ORC6: variants seen among roughly 807,000 people sequenced by gnomAD.
ORC6 encodes origin recognition complex, subunit 6 homolog-like (yeast).
A neutral mutation model predicts 30.0 loss-of-function variants in ORC6; 31 were observed. That is an observed-to-expected ratio of 1.03 (90% CI 0.78 to 1.40). ORC6 has a LOEUF of 1.40. Ranked by LOEUF, ORC6 falls within the 40% of genes most tolerant of loss-of-function variation. The pLI is 0.00. For missense variants in ORC6, 340 were observed against 304.3 expected, an observed-to-expected ratio of 1.12 and a Z score of -0.87; for synonymous variants, 136 against 111.2, an observed-to-expected ratio of 1.22 and a Z score of -1.40.
rs1405343834 is a variant in ORC6 at position 46,698,261 on chromosome 16, T to C, written c.*676T>C. On this transcript the variant is annotated 3_prime_UTR_variant, in exon 7 of 7. Coordinates refer to ENST00000219097, the MANE Select transcript of ORC6 (RefSeq NM_014321.4). ...GCTTTAAGTGAATGGCAGTCCCTTG[T>C]CTTATTCAGAATATAAAATTCAGTC... The C allele has an allele frequency of 4.4e-6, 2 of 455,280 alleles. No individual in the cohort carries two copies. Among genetic ancestry groups the C allele is most frequent in the Non-Finnish European group, 8.8e-6 (2 of 226,574 alleles). 28.2% of individuals were successfully genotyped at this position (455,280 alleles called of 1,614,324 possible). A position where few individuals can be genotyped will look rare whatever the true frequency, so the allele number is the denominator to read the frequency against.
chr16:46,695,557 T>G lies in ORC6; in HGVS notation c.450-5T>G, dbSNP rs545663451. ...AGAAAAGCAACTTATGAAATTGTTTTGTAGGATTCTAAAGCTGAAAGTGGA... is the reference window on the plus strand; with the variant it reads ...AGAAAAGCAACTTATGAAATTGTTTGGTAGGATTCTAAAGCTGAAAGTGGA... On this transcript the variant is annotated splice_polypyrimidine_tract_variant and splice_region_variant and intron_variant, in intron 4 of 6. Transcript: ENST00000219097. 1 of 1,583,708 alleles carries G rather than the reference T, an allele frequency of 6.3e-7. No individual in the cohort carries two copies. Among genetic ancestry groups the G allele is most frequent in the African/African-American group, 1.3e-5 (1 of 74,442 alleles).
rs748431795 is a variant in ORC6, at chr16:46,695,632, C to A, written c.520C>A (p.Arg174=). The part of the protein sequence containing the change: ...TSGVKKAIFD[R]LCKQLEKIGQ... The stretch of plus-strand genomic sequence containing the variant: ...CGGTGTAAAAAAAGCTATATTTGAT[C>A]GACTGTGTAAACAACTAGAGAAGAT... The change falls in exon 5 of 7, where the codon CGA becomes AGA. Residue 174 remains arginine, a synonymous_variant. Transcript: ENST00000219097. 4 of 1,613,246 alleles carry A rather than the reference C, an allele frequency of 2.5e-6. No individual in the cohort carries two copies. Among genetic ancestry groups the A allele is most frequent in the Non-Finnish European group, 3.4e-6 (4 of 1,179,400 alleles).
intron 1 of ORC6, 31 bp downstream of exon 1, chr16:46,689,801 G>T: frequency 6.4e-7 from 1 of 1,563,994 alleles, no homozygotes; most frequent in Non-Finnish European, 8.6e-7. Flanking sequence ...CCAGGGCTGG[G>T]CTTCCGCCTC....
chr16:46,689,890 C>A, intron 1 of ORC6, 120 bp downstream of exon 1: 1 of 1,362,848 alleles, frequency 7.3e-7, no homozygotes, highest in Non-Finnish European at 9.5e-7. Flanking sequence ...GCGCTGGGGC[C>A]GGGCGGGGTT....
Position 46,695,586 on chromosome 16 carries a change from A to G in ORC6, c.474A>G (p.Lys158=). The change falls in exon 5 of 7, where the codon AAA becomes AAG. Residue 158 remains lysine, a synonymous_variant. Coordinates refer to ENST00000219097, the MANE Select transcript of ORC6 (RefSeq NM_014321.4). The part of the protein sequence containing the change: ...ACKILKLKVD[K]NKMVATSGVK... ...GGATTCTAAAGCTGAAAGTGGATAA[A>G]AACAAAATGGTAGCCACATCCGGTG... The G allele has an allele frequency of 6.2e-7, 1 of 1,613,492 alleles. No homozygotes were observed. Among genetic ancestry groups the G allele is most frequent in the Non-Finnish European group, 8.5e-7 (1 of 1,179,424 alleles).
Position 46,691,134 on chromosome 16 carries a change from ACCG to A in ORC6, c.195+15_195+17del. The A allele has an allele frequency of 6.2e-7, 1 of 1,613,860 alleles. No individual in the cohort carries two copies. Among genetic ancestry groups the A allele is most frequent in the Non-Finnish European group, 8.5e-7 (1 of 1,179,718 alleles). Reference sequence around the variant, plus strand: ...CCCTTGGACAGGGTAAGTAGGTCCCACCGAATGTCTGAATAATCCAGTGCAACA... The same window carrying A: ...CCCTTGGACAGGGTAAGTAGGTCCCAAATGTCTGAATAATCCAGTGCAACA... On this transcript the variant is annotated intron_variant, in intron 2 of 6. Coordinates refer to ENST00000219097, the MANE Select transcript of ORC6 (RefSeq NM_014321.4).
chr16:46,698,169 A>ATAGATAGATGGC lies in ORC6; in HGVS notation c.*593_*594insGGCTAGATAGAT, dbSNP rs1361852362. ...GTGACAGAGCGAGACTTATAGATAG[A>ATAGATAGATGGC]TAGATAGATAGATGGATAGATAGAT... is the stretch of plus-strand genomic sequence containing the variant. On this transcript the variant is annotated 3_prime_UTR_variant, in exon 7 of 7. Transcript: ENST00000219097. The ATAGATAGATGGC allele has an allele frequency of 4.5e-6, 2 of 444,542 alleles. No homozygotes were observed. Among genetic ancestry groups the ATAGATAGATGGC allele is most frequent in the African/African-American group, 4.2e-5 (2 of 48,118 alleles). The allele number at this position is 444,542 out of a possible 1,614,324, so 27.5% of individuals were successfully genotyped here.
rs1159636417 is a variant in ORC6 at position 46,695,576 on chromosome 16, A to G, written c.464A>G (p.Lys155Arg). 1.9e-6 allele frequency: 3 copies of G among 1,611,676 alleles called. No homozygotes were observed. The highest frequency in any genetic ancestry group is 2.5e-6 in the Non-Finnish European group (3 of 1,177,764). ...TTGTTTTGTAGGATTCTAAAGCTGAAAGTGGATAAAAACAAAATGGTAGCC... is the reference window on the plus strand; with the variant it reads ...TTGTTTTGTAGGATTCTAAAGCTGAGAGTGGATAAAAACAAAATGGTAGCC... ...LLSACKILKL[K>R]VDKNKMVATS... Residue 155 changes from lysine (K) to arginine (R), a missense_variant, in exon 5 of 7, where the codon AAA becomes AGA. Transcript: ENST00000219097.
At chr16:46,691,168 G>T (rs1282030765) in intron 2 of ORC6, 48 bp downstream of exon 2, 1 of 1,601,724 alleles carries the variant, frequency 6.2e-7, no homozygotes, top group Non-Finnish European at 8.6e-7. Context: ...CAACATTGAA[G>T]CTCTTTTAAC....
chr16:46,692,977 T>A, intron 3 of ORC6, 116 bp from the exon 4 acceptor site: 1 of 756,376 alleles, frequency 1.3e-6, no homozygotes, highest in Non-Finnish European at 2.4e-6. Flanking sequence ...AAATGACTCG[T>A]GTTAAGTGAC....
chr16:46,691,958 A>ACACACACACACACACACACACACT, intron 2 of ORC6, among the ~76,000 whole-genome samples: 5 of 36,664 alleles, frequency 1.4e-4, no homozygotes, highest in African/African-American at 4.8e-4. Context: ...ACACACACAC[A>ACACACACACACACACACACACACT]CTCTCTCTCT....
At chr16:46,690,936 C>G in intron 1 of ORC6, 55 bp from the exon 2 acceptor site, 2 of 1,598,042 alleles carry the variant, frequency 1.3e-6, no homozygotes, top group Non-Finnish European at 1.7e-6. Flanking sequence ...TGTTTACCAA[C>G]GTGTTGAGCA....
At position 46,698,341 on chromosome 16, in the gene ORC6, G is replaced by A; in HGVS notation, c.*756G>A. ...TTTTTGTGTACGGTATTTTTTATTTGACTAAATCAATATATTGTACAGCCT... is the reference window on the plus strand; with the variant it reads ...TTTTTGTGTACGGTATTTTTTATTTAACTAAATCAATATATTGTACAGCCT... On this transcript the variant is annotated 3_prime_UTR_variant, in exon 7 of 7. Coordinates refer to ENST00000219097, the MANE Select transcript of ORC6 (RefSeq NM_014321.4). The A allele has an allele frequency of 2.3e-6, 1 of 441,014 alleles. No individual in the cohort carries two copies. Among genetic ancestry groups the A allele is most frequent in the Non-Finnish European group, 4.6e-6 (1 of 218,344 alleles). 27.3% of individuals were successfully genotyped at this position (441,014 alleles called of 1,614,324 possible). A position where few individuals can be genotyped will look rare whatever the true frequency, so the allele number is the denominator to read the frequency against.
rs140752332 is a variant in ORC6 at position 46,690,669 on chromosome 16, A to G, written c.66-322A>G. The G allele has an allele frequency of 4.9e-3, 1,876 of 384,302 alleles. 12 individuals carry two copies. The highest frequency in any genetic ancestry group is 7.4e-3 in the Non-Finnish European group (1,477 of 199,826). The allele number at this position is 384,302 out of a possible 1,614,324, so 23.8% of individuals were successfully genotyped here. On this transcript the variant is annotated intron_variant, in intron 1 of 6. Coordinates refer to ENST00000219097, the MANE Select transcript of ORC6 (RefSeq NM_014321.4). The stretch of plus-strand genomic sequence containing the variant: ...GAACTACTGATTTAAAGGAAATAGG[A>G]GGAAAGGAGGAACCCTGGTCTAACC...
intron 6 of ORC6, among the ~76,000 whole-genome samples, chr16:46,696,583 C>T (rs1966519844): frequency 6.6e-6 from 1 of 152,146 alleles, no homozygotes; most frequent in Admixed American, 6.5e-5. Context: ...CAAATGGCTG[C>T]ATTATTGTTT....
intron 1 of ORC6, 121 bp from the exon 2 acceptor site, chr16:46,690,870 A>T: frequency 1.0e-6 from 1 of 1,004,696 alleles, no homozygotes; most frequent in Non-Finnish European, 1.6e-6. Flanking sequence ...TCCCAGCCCC[A>T]GATAAACGAG....
intron 6 of ORC6, among the ~76,000 whole-genome samples, chr16:46,696,856 A>C (rs1433313690): frequency 6.6e-6 from 1 of 152,014 alleles, no homozygotes. Flanking sequence ...GGACCTCACT[A>C]TGTTACCCAG....
Position 46,695,583 on chromosome 16 carries a change from T to TA in ORC6, c.476dup (p.Asn159LysfsTer15). 1.2e-6 allele frequency: 2 copies of TA among 1,613,084 alleles called. No homozygotes were observed. The highest frequency in any genetic ancestry group is 1.7e-6 in the Non-Finnish European group (2 of 1,179,120). Reference sequence around the variant, plus strand: ...GTAGGATTCTAAAGCTGAAAGTGGATAAAAACAAAATGGTAGCCACATCCG... The same window carrying TA: ...GTAGGATTCTAAAGCTGAAAGTGGATAAAAAACAAAATGGTAGCCACATCCG... On this transcript the variant is annotated frameshift_variant, in exon 5 of 7. Coordinates refer to ENST00000219097, the MANE Select transcript of ORC6 (RefSeq NM_014321.4). LOFTEE classifies it high-confidence loss of function.
intron 1 of ORC6, 145 bp from the exon 2 acceptor site, chr16:46,690,846 G>T: frequency 1.3e-6 from 1 of 787,074 alleles, no homozygotes; most frequent in Admixed American, 1.9e-5. Context: ...CTCACCAGAG[G>T]ATATGACCTT....
Sources: allele counts gnomAD v4.1 joint callset (sites outside exome capture counted in the v4.1 genomes callset), GRCh38; gene constraint gnomAD v4.1.1; transcripts MANE v1.5; gene names NCBI Gene and HGNC (gene_info 2026-07-23, HGNC 2026-07-21).